CAMK2B: variants seen among roughly 807,000 people sequenced by gnomAD.
CAMK2B encodes the protein calcium/calmodulin dependent protein kinase II beta.
A neutral mutation model predicts 93.7 loss-of-function variants in CAMK2B; 27 were observed. The observed-to-expected ratio is 0.29, with a 90% CI of 0.21 to 0.40. The LOEUF is 0.40. CAMK2B is among the 10% of genes least tolerant of loss of function. The probability of loss-of-function intolerance (pLI) is 1.00; values close to 1 mark genes in which losing one functional copy is unlikely to be tolerated. For synonymous variants in CAMK2B, 374 were observed against 358.8 expected (o/e 1.04, Z -0.48); for missense variants, 568 against 895.8 (o/e 0.63, Z 4.67).
At chr7:44,240,849 C>T in intron 11 of CAMK2B, 100 bp from the exon 12 acceptor site, 1 of 1,283,888 alleles carries the variant, frequency 7.8e-7, no homozygotes. Context: ...GATGCTCAGC[C>T]TCATTGTCAT....
In CAMK2B at chr7:44,230,979, G is replaced by A. The variant is rs376963161; in HGVS notation, c.1225+27C>T. 32 of 1,549,902 alleles carry A rather than the reference G, an allele frequency of 2.1e-5. No individual in the cohort carries two copies. The African/African-American group carries it at 3.7e-4, about 18-fold the overall frequency. ...CAACCCAGCAATGCCAAGGCCGCTG[G>A]GGGGGCAAGGACTCAAGTGCAGGTA... On this transcript the variant is annotated intron_variant, in intron 17 of 23. Transcript: ENST00000395749.
rs1478203275 is a variant in CAMK2B at position 44,232,848 on chromosome 7, T to C, written c.1150A>G (p.Ile384Val). ...TTAATCCCGTCCACTGGGTTATGGA[T>C]GACGGTGGTTTGAGGCTCCTACAGA... is the stretch of plus-strand genomic sequence containing the variant. ...PAALEPQTTVIHNPVDGIKES... is the reference protein window; with the variant it reads ...PAALEPQTTVVHNPVDGIKES... Residue 384 changes from isoleucine (I) to valine (V), a missense_variant, in exon 16 of 24, where the codon ATC becomes GTC. By Grantham distance (29) the Ile-to-Val change is conservative (BLOSUM62 3). Transcript: ENST00000395749. 1 of 1,613,936 alleles carries C rather than the reference T, an allele frequency of 6.2e-7. No individual in the cohort carries two copies. The highest frequency in any genetic ancestry group is 2.2e-5 in the East Asian group (1 of 44,850).
rs989414839 is a variant in CAMK2B at position 44,269,547 on chromosome 7, G to T, written c.161-6483C>A. Among the ~76,000 whole-genome samples the T allele has an allele frequency of 3.9e-4, 60 of 152,288 alleles. 1 individual carries two copies. Among genetic ancestry groups the T allele is most frequent in the African/African-American group, 1.3e-3 (56 of 41,566 alleles). The stretch of plus-strand genomic sequence containing the variant: ...CCTCCCTGGCAGTGGGTGACTCACA[G>T]CAGGGGGTGGGGGGTGGTGAGTGAG... On this transcript the variant is annotated intron_variant, in intron 2 of 23. Coordinates refer to ENST00000395749, the MANE Select transcript of CAMK2B (RefSeq NM_001220.5).
chr7:44,295,052 G>C lies in CAMK2B; in HGVS notation c.66-10827C>G, dbSNP rs75021903. ...GGGAGGTTTGAATCAGGAAGACCTG[G>C]GGTGAATTCTGGACTTATAACTTAG... is the stretch of plus-strand genomic sequence containing the variant. On this transcript the variant is annotated intron_variant, in intron 1 of 23. Coordinates refer to ENST00000395749, the MANE Select transcript of CAMK2B (RefSeq NM_001220.5). 5.4e-3 allele frequency among the ~76,000 whole-genome samples: 830 copies of C among 152,306 alleles called. 12 individuals are homozygous for C. The highest frequency in any genetic ancestry group is 0.019 in the African/African-American group (792 of 41,548).
At chr7:44,275,171 C>A (rs1164942575) in intron 2 of CAMK2B, among the ~76,000 whole-genome samples, 1 of 152,168 alleles carries the variant, frequency 6.6e-6, no homozygotes, top group East Asian at 1.9e-4. Context: ...TCCTCCCTCA[C>A]CCCCTCCAAA....
Position 44,271,619 on chromosome 7 carries a change from C to T in CAMK2B, c.161-8555G>A, listed in dbSNP as rs1271559827. On this transcript the variant is annotated intron_variant, in intron 2 of 23. Transcript: ENST00000395749. The surrounding 1 kb of genome is among the most constrained non-coding windows in gnomAD (Gnocchi z 4.2). ...CCAGCAAGTCCCTTGGTAGCACTGACCTTGGATTTATTTGAGACCAGATTG... is the reference window on the plus strand; with the variant it reads ...CCAGCAAGTCCCTTGGTAGCACTGATCTTGGATTTATTTGAGACCAGATTG... 6.6e-6 allele frequency among the ~76,000 whole-genome samples: 1 copy of T among 152,224 alleles called. No homozygotes were observed. Among genetic ancestry groups the T allele is most frequent in the Non-Finnish European group, 1.5e-5 (1 of 68,040 alleles).
At chr7:44,288,325 T>C (rs915313999) in intron 1 of CAMK2B, among the ~76,000 whole-genome samples, 3 of 152,240 alleles carry the variant, frequency 2.0e-5, no homozygotes, top group Admixed American at 6.5e-5. Context: ...AAGAATGCCT[T>C]GGATGACACT....
chr7:44,263,547 A>G (rs1252397680), intron 2 of CAMK2B, among the ~76,000 whole-genome samples: 1 of 152,050 alleles, frequency 6.6e-6, no homozygotes, highest in Non-Finnish European at 1.5e-5. Flanking sequence ...GGGAGATAGG[A>G]GTAAACTGGT....
intron 1 of CAMK2B, among the ~76,000 whole-genome samples, chr7:44,295,095 G>A (rs1020765274): frequency 6.6e-6 from 1 of 152,194 alleles, no homozygotes; most frequent in African/African-American, 2.4e-5. Flanking sequence ...CTGCAAAATG[G>A]ATTTGATGAT....
intron 2 of CAMK2B, among the ~76,000 whole-genome samples, chr7:44,276,477 C>T (rs2097044510): frequency 6.6e-6 from 1 of 152,136 alleles, no homozygotes. Flanking sequence ...AGGCTTCTGG[C>T]TGGGGAAAGG....
At chr7:44,309,049 T>G (rs1792745771) in intron 1 of CAMK2B, among the ~76,000 whole-genome samples, 1 of 152,220 alleles carries the variant, frequency 6.6e-6, no homozygotes, top group Non-Finnish European at 1.5e-5. Context: ...CCCAGAGCCC[T>G]GCCCAGCACT....
At chr7:44,266,364 T>G (rs936489730) in intron 2 of CAMK2B, among the ~76,000 whole-genome samples, 1 of 152,202 alleles carries the variant, frequency 6.6e-6, no homozygotes, top group African/African-American at 2.4e-5. Flanking sequence ...ACATTATTCT[T>G]GGCTTCCACA....
chr7:44,225,672 C>T lies in CAMK2B; in HGVS notation c.1597+844G>A, dbSNP rs978886917. The T allele has an allele frequency of 5.8e-6, 7 of 1,196,608 alleles. No individual in the cohort carries two copies. The highest frequency in any genetic ancestry group is 5.5e-6 in the Non-Finnish European group (5 of 905,614). 74.1% of individuals were successfully genotyped at this position (1,196,608 alleles called of 1,614,324 possible). On this transcript the variant is annotated intron_variant, in intron 20 of 23. Coordinates refer to ENST00000395749, the MANE Select transcript of CAMK2B (RefSeq NM_001220.5). The surrounding 1 kb of genome is among the most constrained non-coding windows in gnomAD (Gnocchi z 5.0). ...TCCTGTGGGTTCACTCTCCCCACAC[C>T]CTTCTGCCCTGGCCGCCTGCAGCAG...
At chr7:44,283,421 C>A (rs1784255793) in intron 2 of CAMK2B, among the ~76,000 whole-genome samples, 1 of 152,380 alleles carries the variant, frequency 6.6e-6, no homozygotes, top group African/African-American at 2.4e-5. Context: ...TCATTGCCAG[C>A]AGGGCTCTGG....
At chr7:44,236,075 C>A (rs2096623161) in intron 13 of CAMK2B, among the ~76,000 whole-genome samples, 1 of 152,246 alleles carries the variant, frequency 6.6e-6, no homozygotes, top group South Asian at 2.1e-4. Context: ...AGAACTTCTG[C>A]AGGGCTGGAC....
Position 44,311,365 on chromosome 7 carries a change from C to T in CAMK2B, c.65+13992G>A, listed in dbSNP as rs897661327. ...TGCTGGGATTACAGGCGTGAGCCAC[C>T]GCACTCAGCCAAAATCTGGTTTTAA... On this transcript the variant is annotated intron_variant, in intron 1 of 23. Coordinates refer to ENST00000395749, the MANE Select transcript of CAMK2B (RefSeq NM_001220.5). The surrounding 1 kb of genome is among the most constrained non-coding windows in gnomAD (Gnocchi z 4.2). 7.9e-5 allele frequency among the ~76,000 whole-genome samples: 12 copies of T among 152,292 alleles called. No homozygotes were observed. The East Asian group carries it at 2.3e-3, about 29-fold the overall frequency.
At chr7:44,222,346 C>T (rs2096418647) in intron 20 of CAMK2B, among the ~76,000 whole-genome samples, 1 of 152,192 alleles carries the variant, frequency 6.6e-6, no homozygotes, top group Non-Finnish European at 1.5e-5. Context: ...GAAGGCAGGC[C>T]CTGTGGTGAC....
intron 22 of CAMK2B, 152 bp from the exon 23 acceptor site, chr7:44,220,446 G>A (rs1352508877): frequency 1.2e-6 from 1 of 857,602 alleles, no homozygotes; most frequent in African/African-American, 1.7e-5. Flanking sequence ...CTCCAAGAGT[G>A]GGATTCTGGG....
chr7:44,310,621 G>T (rs1793288762), intron 1 of CAMK2B, among the ~76,000 whole-genome samples: 1 of 152,244 alleles, frequency 6.6e-6, no homozygotes, highest in Non-Finnish European at 1.5e-5. Context: ...ATATTATTCA[G>T]CCTTAAAAAG....
Sources: allele counts gnomAD v4.1 joint callset (sites outside exome capture counted in the v4.1 genomes callset), GRCh38; gene constraint gnomAD v4.1.1; non-coding constraint Gnocchi (gnomAD v3.1); transcripts MANE v1.5; gene names NCBI Gene and HGNC (gene_info 2026-07-23, HGNC 2026-07-21).